SLC5A8: variants seen among roughly 807,000 people sequenced by gnomAD.
SLC5A8 encodes the protein solute carrier family 5 member 8.
SLC5A8 carries 55 observed loss-of-function variants against 71.9 expected under a neutral mutation model. That is an observed-to-expected ratio of 0.77 (90% CI 0.62 to 0.96). The LOEUF is 0.96. Ranked by LOEUF, SLC5A8 falls within the 40% of genes least tolerant of loss-of-function variation. SLC5A8 has a pLI of 0.00. For missense variants in SLC5A8, 701 were observed against 745.3 expected, an observed-to-expected ratio of 0.94 and a Z score of 0.69; for synonymous variants, 307 against 276.1, an observed-to-expected ratio of 1.11 and a Z score of -1.11.
At chr12:101,200,074 A>ATATGTATATATG (rs1366617080) in intron 3 of SLC5A8, among the ~76,000 whole-genome samples, 1 of 142,088 alleles carries the variant, frequency 7.0e-6, no homozygotes, top group Non-Finnish European at 1.5e-5. Flanking sequence ...CTACTGATAT[A>ATATGTATATATG]TATGTAGCAG....
At chr12:101,202,801 C>G (rs7138849) in intron 2 of SLC5A8, among the ~76,000 whole-genome samples, 32,975 of 151,938 alleles carry the variant, frequency 0.22, 4,137 homozygotes, top group East Asian at 0.53. Flanking sequence ...ATCTGGGGTA[C>G]AGTAGTGAGT....
chr12:101,209,479 A>AC lies in SLC5A8; in HGVS notation c.351+18_351+19insG. The AC allele has an allele frequency of 2.2e-6, 2 of 900,118 alleles. No individual in the cohort carries two copies. Among genetic ancestry groups the AC allele is most frequent in the African/African-American group, 1.7e-5 (1 of 60,582 alleles). 55.8% of individuals were successfully genotyped at this position (900,118 alleles called of 1,614,324 possible). A position where few individuals can be genotyped will look rare whatever the true frequency, so the allele number is the denominator to read the frequency against. On this transcript the variant is annotated intron_variant, in intron 1 of 14. Transcript: ENST00000536262. ...CTTCCCCCGCGCCCTGCATGGTCCCAGCCCACCCTGCCCCTTACCTCGTAG... is the reference window on the plus strand; with the variant it reads ...CTTCCCCCGCGCCCTGCATGGTCCCACGCCCACCCTGCCCCTTACCTCGTAG...
intron 6 of SLC5A8, among the ~76,000 whole-genome samples, chr12:101,189,416 T>C (rs1223242057): frequency 6.6e-6 from 1 of 152,188 alleles, no homozygotes; most frequent in Non-Finnish European, 1.5e-5. Flanking sequence ...TTCTGACATA[T>C]GACATCACAA....
intron 10 of SLC5A8, among the ~76,000 whole-genome samples, chr12:101,175,863 T>G (rs968739644): frequency 6.6e-6 from 1 of 151,914 alleles, no homozygotes; most frequent in Non-Finnish European, 1.5e-5. Flanking sequence ...AAAGAATGGC[T>G]AAAAGAAGTT....
chr12:101,157,860 G>T (rs2051681166), intron 14 of SLC5A8, among the ~76,000 whole-genome samples: 1 of 152,070 alleles, frequency 6.6e-6, no homozygotes, highest in Non-Finnish European at 1.5e-5. Context: ...ACAGATATAG[G>T]TTATCAGAGG....
Position 101,177,442 on chromosome 12 carries a change from TATACACAC to T in SLC5A8, c.1233+2579_1233+2586del, listed in dbSNP as rs1266703818. Among the ~76,000 whole-genome samples, 358 of 133,516 alleles carry T rather than the reference TATACACAC, an allele frequency of 2.7e-3. 2 individuals carry two copies. The highest frequency in any genetic ancestry group is 6.9e-3 in the African/African-American group (214 of 31,134). 87.6% of individuals were successfully genotyped at this position (133,516 alleles called of 152,430 possible). ...CCTGCTATCAAAACCAAAGGCAGTA[TATACACAC>T]ACACACACACACACACACACACACA... On this transcript the variant is annotated intron_variant, in intron 10 of 14. Transcript: ENST00000536262.
chr12:101,161,554 T>A (rs2051723311), intron 13 of SLC5A8, among the ~76,000 whole-genome samples: 1 of 152,220 alleles, frequency 6.6e-6, no homozygotes, highest in South Asian at 2.1e-4. Flanking sequence ...AAAGAATGAA[T>A]ACTGGACCAT....
chr12:101,192,072 C>G (rs1225349083), intron 5 of SLC5A8, among the ~76,000 whole-genome samples: 1 of 152,138 alleles, frequency 6.6e-6, no homozygotes, highest in African/African-American at 2.4e-5. Context: ...TGGACTTCCC[C>G]CCTCCCTGTT....
At chr12:101,205,781 C>G (rs931959344) in intron 1 of SLC5A8, among the ~76,000 whole-genome samples, 1 of 152,210 alleles carries the variant, frequency 6.6e-6, no homozygotes, top group African/African-American at 2.4e-5. Flanking sequence ...GCCAGGGCCA[C>G]AGTACACATT....
At chr12:101,197,480 T>C (rs1869236515) in intron 3 of SLC5A8, among the ~76,000 whole-genome samples, 1 of 152,194 alleles carries the variant, frequency 6.6e-6, no homozygotes, top group Non-Finnish European at 1.5e-5. Context: ...TAACTACTAC[T>C]AGTAAACTAC....
intron 5 of SLC5A8, among the ~76,000 whole-genome samples, chr12:101,191,917 C>G (rs1215409991): frequency 2.0e-5 from 3 of 152,180 alleles, no homozygotes; most frequent in Non-Finnish European, 4.4e-5. Flanking sequence ...GCTATCACTT[C>G]TGTGCTCCAA....
At chr12:101,168,252 AT>A (rs1320398701) in intron 10 of SLC5A8, 70 bp from the exon 11 acceptor site, 37 of 1,400,554 alleles carry the variant, frequency 2.6e-5, no homozygotes, top group Non-Finnish European at 2.9e-6. Context: ...AAGTCATTTC[AT>A]CAGGATAATG....
intron 7 of SLC5A8, among the ~76,000 whole-genome samples, chr12:101,185,829 C>T (rs1176689046): frequency 6.6e-6 from 1 of 152,170 alleles, no homozygotes; most frequent in Non-Finnish European, 1.5e-5. Flanking sequence ...TTGCCTGCCT[C>T]AGCCTTCCCA....
chr12:101,170,841 C>T (rs1305754917), intron 10 of SLC5A8, among the ~76,000 whole-genome samples: 1 of 152,174 alleles, frequency 6.6e-6, no homozygotes, highest in African/African-American at 2.4e-5. Context: ...ACAAAGCCAC[C>T]TCCTCCATGA....
chr12:101,166,628 A>C lies in SLC5A8; in HGVS notation c.1392T>G (p.Pro464=). 1 of 1,613,898 alleles carries C rather than the reference A, an allele frequency of 6.2e-7. No individual in the cohort carries two copies. The highest frequency in any genetic ancestry group is 8.5e-7 in the Non-Finnish European group (1 of 1,179,926). ...ATGGCAATGTTCTCTCAGGAAGTGG[A>C]GGATATATTTGAGCTCCAATTCCAA... ...LWVGIGAQIY[P]PLPERTLPLH... Residue 464 remains proline, a synonymous_variant, in exon 12 of 15, where the codon CCT becomes CCG. Coordinates refer to ENST00000536262, the MANE Select transcript of SLC5A8 (RefSeq NM_145913.5).
chr12:101,201,830 C>T (rs1430990303), intron 3 of SLC5A8, among the ~76,000 whole-genome samples: 2 of 152,086 alleles, frequency 1.3e-5, no homozygotes, highest in Admixed American at 6.6e-5. Context: ...GAGATGGGCT[C>T]CAGGTTATAG....
At chr12:101,174,222 T>C (rs2051858477) in intron 10 of SLC5A8, among the ~76,000 whole-genome samples, 1 of 152,186 alleles carries the variant, frequency 6.6e-6, no homozygotes, top group Admixed American at 6.5e-5. Context: ...ATGCCAGTTG[T>C]GTTCAGAGGT....
intron 10 of SLC5A8, among the ~76,000 whole-genome samples, chr12:101,174,587 A>T (rs2712630): frequency 0.21 from 31,324 of 152,166 alleles, 3,764 homozygotes; most frequent in East Asian, 0.53. Flanking sequence ...TGAAAGCTGC[A>T]TCTGTGCTGA....
chr12:101,193,845 T>C (rs1869040234), intron 4 of SLC5A8, 66 bp from the exon 5 acceptor site: 10 of 1,496,738 alleles, frequency 6.7e-6, no homozygotes, highest in African/African-American at 1.4e-5. Context: ...TACACACTTA[T>C]ACACTATACT....
Sources: gnomAD v4.1 joint callset for allele counts (sites outside exome capture counted in the v4.1 genomes callset) on GRCh38, gnomAD v4.1.1 for gene constraint, MANE v1.5 for transcripts, NCBI Gene and HGNC (gene_info 2026-07-23, HGNC 2026-07-21) for gene names.